STAT5A: variants seen among roughly 807,000 people sequenced by gnomAD.
The protein encoded by STAT5A is signal transducer and activator of transcription 5A.
STAT5A carries 26 observed loss-of-function variants against 100.2 expected under a neutral mutation model. The observed-to-expected ratio is 0.26, with a 90% CI of 0.19 to 0.36. The LOEUF (loss-of-function observed/expected upper bound fraction) is 0.36. Ranked by LOEUF, STAT5A falls within the 10% of genes least tolerant of loss-of-function variation. The probability of loss-of-function intolerance (pLI) is 1.00; values close to 1 mark genes in which losing one functional copy is unlikely to be tolerated. For missense variants in STAT5A, 634 were observed against 1,027.5 expected, an observed-to-expected ratio of 0.62 and a Z score of 5.24; for synonymous variants, 330 against 424.3, an observed-to-expected ratio of 0.78 and a Z score of 2.73.
intron 15 of STAT5A, 43 bp downstream of exon 15, chr17:42,307,766 C>G: frequency 6.3e-7 from 1 of 1,597,042 alleles, no homozygotes; most frequent in Non-Finnish European, 8.6e-7. Context: ...AAGGCCCGGT[C>G]TCTTGTTCCC....
rs780111524 is a variant in STAT5A, at chr17:42,309,500, A to T, written c.2222+16A>T. ...ACCCACAGAAGTAGGTGGTGTTCTC[A>T]TGGGGTCCGCAGGGGAAGAACTGGG... On this transcript the variant is annotated intron_variant, in intron 18 of 18. Transcript: ENST00000590949. 6.2e-7 allele frequency: 1 copy of T among 1,611,278 alleles called. No individual in the cohort carries two copies. The highest frequency in any genetic ancestry group is 1.3e-5 in the African/African-American group (1 of 74,974).
At position 42,289,467 on chromosome 17, in the gene STAT5A, A is replaced by G; in HGVS notation, c.56A>G (p.Gln19Arg). 1 of 1,613,054 alleles carries G rather than the reference A, an allele frequency of 6.2e-7. No homozygotes were observed. Among genetic ancestry groups the G allele is most frequent in the Non-Finnish European group, 8.5e-7 (1 of 1,179,868 alleles). ...QLQGDALRQM[Q>R]VLYGQHFPIE... Reference sequence around the variant, plus strand: ...CAGGGAGACGCGCTGCGCCAGATGCAGGTGCTGTACGGCCAGCACTTCCCC... The same window carrying G: ...CAGGGAGACGCGCTGCGCCAGATGCGGGTGCTGTACGGCCAGCACTTCCCC... Residue 19 changes from glutamine to arginine, a missense_variant, in exon 2 of 19, where the codon CAG becomes CGG. Physicochemically the swap from Gln to Arg is conservative, Grantham distance 43. This residue lies in a region of STAT5A where 207 missense variants were observed against 256.6 expected (regional missense o/e 0.81). Transcript: ENST00000590949.
rs369273065 is a variant in STAT5A at position 42,307,382 on chromosome 17, G to C, written c.1681-20G>C. ...TGACCTGGGGCACCAGCCCTGACTCGGGGGTTCCTGGGCCCTCAGGAGAAC... is the reference window on the plus strand; with the variant it reads ...TGACCTGGGGCACCAGCCCTGACTCCGGGGTTCCTGGGCCCTCAGGAGAAC... On this transcript the variant is annotated intron_variant, in intron 13 of 18. Transcript: ENST00000590949. 1.9e-6 allele frequency: 3 copies of C among 1,611,402 alleles called. No homozygotes were observed. The highest frequency in any genetic ancestry group is 2.5e-6 in the Non-Finnish European group (3 of 1,178,788).
Position 42,311,104 on chromosome 17 carries a change from G to A in STAT5A, c.*435G>A, listed in dbSNP as rs910749041. 9.5e-6 allele frequency: 2 copies of A among 209,744 alleles called. No individual in the cohort carries two copies. The highest frequency in any genetic ancestry group is 4.5e-5 in the African/African-American group (2 of 44,868). The allele number at this position is 209,744 out of a possible 1,614,324, so 13.0% of individuals were successfully genotyped here. ...TGCCCTCCTAAGAGAGAGAGACAGA[G>A]AGACAGAGAGAGAGAAAGAGAGAGT... On this transcript the variant is annotated 3_prime_UTR_variant, in exon 19 of 19. Transcript: ENST00000590949.
chr17:42,310,782 G>A lies in STAT5A; in HGVS notation c.*113G>A, dbSNP rs1369622222. The A allele has an allele frequency of 2.3e-6, 2 of 872,236 alleles. No homozygotes were observed. Among genetic ancestry groups the A allele is most frequent in the African/African-American group, 4.9e-5 (2 of 40,886 alleles). 54.0% of individuals were successfully genotyped at this position (872,236 alleles called of 1,614,324 possible). Reference sequence around the variant, plus strand: ...CCTTTGCAGGCATGCATGTGCTTGTGTGTGTGTGTGTGTGTGTGTCCTTGT... The same window carrying A: ...CCTTTGCAGGCATGCATGTGCTTGTATGTGTGTGTGTGTGTGTGTCCTTGT... On this transcript the variant is annotated 3_prime_UTR_variant, in exon 19 of 19. Transcript: ENST00000590949.
chr17:42,307,300 A>G, intron 13 of STAT5A, 102 bp from the exon 14 acceptor site: 1 of 1,163,638 alleles, frequency 8.6e-7, no homozygotes. Context: ...GCAGGGGTGA[A>G]GAACTGGGAG....
In STAT5A at chr17:42,289,657, G is replaced by A. The variant is rs1430240978; in HGVS notation, c.128+118G>A. 5.5e-6 allele frequency: 8 copies of A among 1,460,368 alleles called. No homozygotes were observed. In the East Asian group the frequency reaches 7.3e-5, roughly 13 times the overall value. The allele number at this position is 1,460,368 out of a possible 1,614,324, so 90.5% of individuals were successfully genotyped here. On this transcript the variant is annotated intron_variant, in intron 2 of 18. Transcript: ENST00000590949. ...TGGTCCTGCCTGTCCTTCTTTGTGC[G>A]GAAGGGGTGGTGCCCCTGGGAAAGG...
At chr17:42,309,149 C>A (rs766825433) in intron 17 of STAT5A, 51 bp downstream of exon 17, 1 of 1,612,492 alleles carries the variant, frequency 6.2e-7, no homozygotes. Context: ...CCTCCTCCCC[C>A]AGACCCTGCC....
At position 42,290,514 on chromosome 17, in the gene STAT5A, G is replaced by A. The variant is rs114451725; in HGVS notation, c.285+492G>A. The stretch of plus-strand genomic sequence containing the variant: ...AAGAGAGGGAGTTTTTGTGGAAGCA[G>A]GAAAGGGGTGTGGGTAGTGATGACA... On this transcript the variant is annotated intron_variant, in intron 3 of 18. Transcript: ENST00000590949. Among the ~76,000 whole-genome samples, 293 of 152,324 alleles carry A rather than the reference G, an allele frequency of 1.9e-3. 2 individuals carry two copies. The highest frequency in any genetic ancestry group is 6.8e-3 in the African/African-American group (282 of 41,572).
rs1251710255 is a variant in STAT5A, at chr17:42,290,022, GGTGGGT to G, written c.285+3_285+8del. ...TGGGGCACTACGCCACGCAGCTCCAGGTGGGTGTAGGCTCTGGGCCACCTACGGGGA... is the reference window on the plus strand; with the variant it reads ...TGGGGCACTACGCCACGCAGCTCCAGGTAGGCTCTGGGCCACCTACGGGGA... On this transcript the variant is annotated splice_donor_variant and splice_donor_5th_base_variant and intron_variant, in intron 3 of 18. Transcript: ENST00000590949. LOFTEE classifies it high-confidence loss of function. 1 of 1,611,430 alleles carries G rather than the reference GGTGGGT, an allele frequency of 6.2e-7. No individual in the cohort carries two copies. Among genetic ancestry groups the G allele is most frequent in the African/African-American group, 1.3e-5 (1 of 74,888 alleles).
intron 4 of STAT5A, among the ~76,000 whole-genome samples, 159 bp downstream of exon 4, chr17:42,292,220 G>A (rs976996804): frequency 2.0e-5 from 3 of 152,150 alleles, no homozygotes; most frequent in Non-Finnish European, 4.4e-5. Flanking sequence ...TGCACGCCGG[G>A]GTGGAGTGAC....
chr17:42,297,246 A>G (rs1165796935), intron 5 of STAT5A, among the ~76,000 whole-genome samples: 3 of 152,196 alleles, frequency 2.0e-5, no homozygotes, highest in Non-Finnish European at 4.4e-5. Context: ...CAATACTGAC[A>G]GGATAATTCT....
chr17:42,300,456 C>G (rs1210245294), intron 7 of STAT5A, among the ~76,000 whole-genome samples, 175 bp downstream of exon 7: 1 of 152,150 alleles, frequency 6.6e-6, no homozygotes, highest in Admixed American at 6.5e-5. Flanking sequence ...TGCACCTCCC[C>G]CAGGAAGGGG....
At chr17:42,294,011 T>G (rs572385085) in intron 4 of STAT5A, among the ~76,000 whole-genome samples, 14 of 152,046 alleles carry the variant, frequency 9.2e-5, no homozygotes, top group Non-Finnish European at 1.9e-4. Flanking sequence ...CGTCAGAAGT[T>G]CGAGACCAGC....
rs1294818552 is a variant in STAT5A at position 42,295,759 on chromosome 17, C to T, written c.516C>T (p.Phe172=). The T allele has an allele frequency of 1.2e-6, 2 of 1,613,912 alleles. No individual in the cohort carries two copies. Among genetic ancestry groups the T allele is most frequent in the East Asian group, 2.2e-5 (1 of 44,884 alleles). Residue 172 remains phenylalanine (F), a synonymous_variant, in exon 5 of 19, where the codon TTC becomes TTT. Coordinates refer to ENST00000590949, the MANE Select transcript of STAT5A (RefSeq NM_001288718.2). ...AACTGCAGCAGACTCAGGAGTACTTCATCATCCAGTACCAGGAGAGCCTGA... is the reference window on the plus strand; with the variant it reads ...AACTGCAGCAGACTCAGGAGTACTTTATCATCCAGTACCAGGAGAGCCTGA... The part of the protein sequence containing the change: ...LKKLQQTQEY[F]IIQYQESLRI...
chr17:42,308,612 T>C lies in STAT5A; in HGVS notation c.2062+279T>C. ...GAAGGGGTGGCAGCACTGTAGGGAG[T>C]GGCCGGGATCATTCGAGCCCACAGA... On this transcript the variant is annotated intron_variant, in intron 16 of 18. Coordinates refer to ENST00000590949, the MANE Select transcript of STAT5A (RefSeq NM_001288718.2). The surrounding 1 kb of genome is among the most constrained non-coding windows in gnomAD (Gnocchi z 4.6). 1.9e-6 allele frequency: 1 copy of C among 524,808 alleles called. No individual in the cohort carries two copies. Among genetic ancestry groups the C allele is most frequent in the East Asian group, 3.4e-5 (1 of 29,228 alleles). The allele number at this position is 524,808 out of a possible 1,614,324, so 32.5% of individuals were successfully genotyped here.
At chr17:42,301,556 G>A (rs1003550109) in intron 9 of STAT5A, 102 bp downstream of exon 9, 41 of 1,504,920 alleles carry the variant, frequency 2.7e-5, no homozygotes, top group Non-Finnish European at 3.4e-5. Context: ...CTAGTTCACC[G>A]TGTTGCCCAG....
intron 9 of STAT5A, 151 bp downstream of exon 9, chr17:42,301,605 C>A (rs947496937): frequency 5.6e-6 from 7 of 1,239,000 alleles, no homozygotes; most frequent in Non-Finnish European, 7.8e-6. Flanking sequence ...GTCTTCCCAC[C>A]TCAGCCTCCC....
chr17:42,294,121 C>A (rs1026467546), intron 4 of STAT5A, among the ~76,000 whole-genome samples: 1 of 151,748 alleles, frequency 6.6e-6, no homozygotes, highest in African/African-American at 2.4e-5. Context: ...GCGGCTGAGG[C>A]AGGAGAATTG....
Sources: allele counts gnomAD v4.1 joint callset (sites outside exome capture counted in the v4.1 genomes callset), GRCh38; gene constraint gnomAD v4.1.1; regional missense constraint gnomAD v4.1.1; non-coding constraint Gnocchi (gnomAD v3.1); transcripts MANE v1.5; gene names NCBI Gene and HGNC (gene_info 2026-07-23, HGNC 2026-07-21).